UBA5: variants seen among roughly 807,000 people sequenced by gnomAD.
The protein encoded by UBA5 is ubiquitin-like modifier-activating enzyme 5.
In UBA5, 28 loss-of-function variants were observed where a neutral mutation model predicts 52.9. That is an observed-to-expected ratio of 0.53 (90% CI 0.39 to 0.73). The LOEUF (loss-of-function observed/expected upper bound fraction) is 0.73. Ranked by LOEUF, UBA5 falls within the 30% of genes least tolerant of loss-of-function variation. The probability of loss-of-function intolerance (pLI) is 0.00; values close to 1 mark genes in which losing one functional copy is unlikely to be tolerated. For synonymous variants in UBA5, 135 were observed against 162.1 expected (o/e 0.83, Z 1.27); for missense variants, 388 against 492.7 (o/e 0.79, Z 2.01).
intron 8 of UBA5, among the ~76,000 whole-genome samples, chr3:132,672,696 TTA>T (rs1335285758): frequency 2.0e-5 from 3 of 152,174 alleles, no homozygotes; most frequent in African/African-American, 7.2e-5. Flanking sequence ...ATGTTAACAT[TTA>T]TATTAGTGTT....
intron 3 of UBA5, chr3:132,668,091 A>G (rs556992019): frequency 6.6e-6 from 1 of 152,138 alleles, no homozygotes; most frequent in East Asian, 1.9e-4. Context: ...TCATATGAAG[A>G]AGGGACAGGA....
chr3:132,668,143 T>A (rs943324835), intron 3 of UBA5: 1 of 148,216 alleles, frequency 6.7e-6, no homozygotes, highest in Non-Finnish European at 1.5e-5. Flanking sequence ...AGAAATGTGA[T>A]CTAATGGCCA....
chr3:132,671,949 GT>G, intron 7 of UBA5, 68 bp downstream of exon 7: 15 of 1,596,662 alleles, frequency 9.4e-6, no homozygotes, highest in African/African-American at 1.3e-5. Flanking sequence ...CATTGAAAAT[GT>G]ATTACAATTC....
At chr3:132,668,967 C>T (rs1158936649) in intron 4 of UBA5, 40 bp downstream of exon 4, 1 of 1,330,346 alleles carries the variant, frequency 7.5e-7, no homozygotes, top group Admixed American at 2.2e-5. Context: ...TCAGTGAAAT[C>T]TTACTTTATG....
chr3:132,660,137 G>A (rs1375307787), upstream of UBA5: 3 of 341,906 alleles, frequency 8.8e-6, no homozygotes, highest in East Asian at 6.0e-5. The surrounding 1 kb of genome is among the most constrained non-coding windows in gnomAD (Gnocchi z 4.1). Flanking sequence ...CAGAAAAAGG[G>A]CCGTCAGACT....
Position 132,670,253 on chromosome 3 carries a change from G to A in UBA5, c.463G>A (p.Glu155Lys). 1 of 1,497,240 alleles carries A rather than the reference G, an allele frequency of 6.7e-7. No homozygotes were observed. The highest frequency in any genetic ancestry group is 9.2e-7 in the Non-Finnish European group (1 of 1,085,124). The allele number at this position is 1,497,240 out of a possible 1,614,324, so 92.7% of individuals were successfully genotyped here. A position where few individuals can be genotyped will look rare whatever the true frequency, so the allele number is the denominator to read the frequency against. The change falls in exon 5 of 12, where the codon GAA (glutamate) becomes AAA (lysine). Residue 155 changes from glutamate to lysine, a missense_variant. Around this residue, in one of 3 missense-constraint regions of UBA5, gnomAD observed 277 missense variants for 326.4 expected, o/e 0.85. Coordinates refer to ENST00000356232, the MANE Select transcript of UBA5 (RefSeq NM_024818.6). Reference sequence around the variant, plus strand: ...ACACAACTATAATATAACCACAGTGGAAAACTTTCAACATTTCATGGATAG... The same window carrying A: ...ACACAACTATAATATAACCACAGTGAAAAACTTTCAACATTTCATGGATAG... ...EVHNYNITTV[E>K]NFQHFMDRIS...
chr3:132,670,270 C>T lies in UBA5; in HGVS notation c.480C>T (p.Phe160=), dbSNP rs748111158. The T allele has an allele frequency of 5.0e-6, 7 of 1,408,912 alleles. No individual in the cohort carries two copies. The highest frequency in any genetic ancestry group is 6.0e-6 in the Non-Finnish European group (6 of 1,006,906). The allele number at this position is 1,408,912 out of a possible 1,614,324, so 87.3% of individuals were successfully genotyped here. ...NITTVENFQH[F]MDRISNGGLE... The stretch of plus-strand genomic sequence containing the variant: ...CCACAGTGGAAAACTTTCAACATTT[C>T]ATGGATAGAATAAGGTAAAATTTTA... Residue 160 remains phenylalanine, a synonymous_variant, in exon 5 of 12, where the codon TTC becomes TTT. Coordinates refer to ENST00000356232, the MANE Select transcript of UBA5 (RefSeq NM_024818.6).
intron 8 of UBA5, 90 bp downstream of exon 8, chr3:132,672,267 A>C (rs1938637336): frequency 7.0e-7 from 1 of 1,427,988 alleles, no homozygotes; most frequent in African/African-American, 1.4e-5. Flanking sequence ...CTGAAATTAC[A>C]AGCTAAGTAT....
chr3:132,668,992 T>A, intron 4 of UBA5, 65 bp downstream of exon 4: 1 of 1,074,574 alleles, frequency 9.3e-7, no homozygotes, highest in Non-Finnish European at 1.3e-6. Context: ...TGATATGAGT[T>A]AATATAAATG....
At chr3:132,656,790 T>G (rs902879830), upstream of UBA5, among the ~76,000 whole-genome samples, 14 of 151,968 alleles carry the variant, frequency 9.2e-5, no homozygotes, top group Admixed American at 2.0e-4. Context: ...CTGCACCCAG[T>G]CTATTGTCAG....
chr3:132,664,520 A>G lies in UBA5; in HGVS notation c.162-1303A>G, dbSNP rs147021102. Among the ~76,000 whole-genome samples the G allele has an allele frequency of 1.2e-3, 184 of 152,324 alleles. 1 individual carries two copies. The highest frequency in any genetic ancestry group is 3.8e-3 in the African/African-American group (158 of 41,594). On this transcript the variant is annotated intron_variant, in intron 1 of 11. Transcript: ENST00000356232. Reference sequence around the variant, plus strand: ...TAAAAATAATTGATGACAGTGTTTTAAACTGTCATGTGCATCAGAATTACT... The same window carrying G: ...TAAAAATAATTGATGACAGTGTTTTGAACTGTCATGTGCATCAGAATTACT...
At chr3:132,667,301 A>G (rs1371804113) in intron 3 of UBA5, 2 of 152,198 alleles carry the variant, frequency 1.3e-5, no homozygotes, top group Non-Finnish European at 2.9e-5. Flanking sequence ...ATGCAGCTAG[A>G]CCACGCCATT....
upstream of UBA5, among the ~76,000 whole-genome samples, chr3:132,659,149 T>C (rs1002108712): frequency 2.6e-5 from 4 of 152,164 alleles, no homozygotes; most frequent in Non-Finnish European, 5.9e-5. Context: ...TGCTGTGACC[T>C]CCTAAGTGGA....
intron 6 of UBA5, 79 bp from the exon 7 acceptor site, chr3:132,671,698 T>C (rs1282858398): frequency 7.0e-6 from 8 of 1,134,802 alleles, no homozygotes; most frequent in African/African-American, 1.6e-5. Context: ...TGGTAATCCA[T>C]TCAGTTAAAA....
upstream of UBA5, chr3:132,659,505 T>G (rs1038970306): frequency 3.9e-6 from 6 of 1,542,580 alleles, no homozygotes; most frequent in African/African-American, 1.4e-5. Flanking sequence ...GGAAAAGCAA[T>G]CAGGGTGGGA....
At chr3:132,659,322 T>G, upstream of UBA5, 1 of 417,536 alleles carries the variant, frequency 2.4e-6, no homozygotes, top group Non-Finnish European at 4.2e-6. Flanking sequence ...TTAATTGCCT[T>G]GGTGAATCCT....
intron 8 of UBA5, among the ~76,000 whole-genome samples, chr3:132,672,980 C>T (rs556701701): frequency 6.6e-6 from 1 of 152,222 alleles, no homozygotes; most frequent in South Asian, 2.1e-4. Flanking sequence ...TTCCCTAAGC[C>T]TCCAATATAA....
intron 1 of UBA5, among the ~76,000 whole-genome samples, chr3:132,662,673 T>TA (rs1938216352): frequency 1.3e-5 from 2 of 152,176 alleles, no homozygotes; most frequent in South Asian, 2.1e-4. Context: ...GGTGGGATAT[T>TA]AAAAAACACA....
Position 132,675,348 on chromosome 3 carries a change from G to C in UBA5, c.913G>C (p.Asp305His), listed in dbSNP as rs760150546. 1 of 1,613,638 alleles carries C rather than the reference G, an allele frequency of 6.2e-7. No homozygotes were observed. Among genetic ancestry groups the C allele is most frequent in the Non-Finnish European group, 8.5e-7 (1 of 1,179,780 alleles). Residue 305 changes from aspartate to histidine, a missense_variant, in exon 9 of 12, where the codon GAC (aspartate) becomes CAC (histidine). This residue lies in a region of UBA5 where 277 missense variants were observed against 326.4 expected (regional missense o/e 0.85). Coordinates refer to ENST00000356232, the MANE Select transcript of UBA5 (RefSeq NM_024818.6). ...MSMKPNPQCD[D>H]RNCRKQQEEY... is the part of the protein sequence containing the mutation. ...CATGAAGCCAAATCCTCAGTGTGAT[G>C]ACAGAAATTGCAGGAAGCAGCAGGA... is the stretch of plus-strand genomic sequence containing the variant.
Sources: gnomAD v4.1 joint callset for allele counts (sites outside exome capture counted in the v4.1 genomes callset) on GRCh38, gnomAD v4.1.1 for gene constraint, gnomAD v4.1.1 regional missense constraint, Gnocchi (gnomAD v3.1) non-coding constraint, MANE v1.5 for transcripts, NCBI Gene and HGNC (gene_info 2026-07-23, HGNC 2026-07-21) for gene names.